EYS: variants seen among roughly 807,000 people sequenced by gnomAD.
EYS encodes the protein EGF-like photoreceptor maintenance factor.
A neutral mutation model predicts 282.1 loss-of-function variants in EYS; 250 were observed. The ratio of observed to expected loss-of-function variants is 0.89; its 90% CI spans 0.80 to 0.98. EYS has a LOEUF of 0.98. Ranked by LOEUF, EYS falls within the 50% of genes least tolerant of loss-of-function variation. EYS has a pLI of 0.00. For missense variants in EYS, 4,016 were observed against 3,709.0 expected (o/e 1.08, Z -2.15); for synonymous variants, 1,355 against 1,282.9 (o/e 1.06, Z -1.20).
chr6:65,022,207 T>C (rs1218338824), intron 13 of EYS, among the ~76,000 whole-genome samples: 2 of 152,244 alleles, frequency 1.3e-5, no homozygotes, highest in Non-Finnish European at 2.9e-5. Flanking sequence ...AGCTGAAAGA[T>C]CATTTTTAAC....
chr6:64,365,104 GAAAT>G (rs1202543354), intron 29 of EYS, among the ~76,000 whole-genome samples: 1 of 151,390 alleles, frequency 6.6e-6, no homozygotes, highest in African/African-American at 2.4e-5. Context: ...ATCAAAGAAA[GAAAT>G]AAAAAATAAT....
chr6:65,496,435 A>G (rs955026481), intron 2 of EYS, among the ~76,000 whole-genome samples: 4 of 151,984 alleles, frequency 2.6e-5, no homozygotes, highest in African/African-American at 9.7e-5. Flanking sequence ...AAATCACTCT[A>G]CTACTTGATT....
intron 35 of EYS, among the ~76,000 whole-genome samples, chr6:63,961,325 T>C (rs765849508): frequency 1.3e-5 from 2 of 152,128 alleles, no homozygotes; most frequent in Non-Finnish European, 2.9e-5. Context: ...ACTGATGAAA[T>C]TCCACCATCG....
chr6:64,745,757 T>C (rs955415159), intron 22 of EYS, among the ~76,000 whole-genome samples: 2 of 152,160 alleles, frequency 1.3e-5, no homozygotes, highest in African/African-American at 4.8e-5. Flanking sequence ...CTTATAAAGG[T>C]TCTCCATTGG....
chr6:65,087,172 A>C (rs1056255770), intron 12 of EYS, among the ~76,000 whole-genome samples: 1 of 152,076 alleles, frequency 6.6e-6, no homozygotes, highest in Non-Finnish European at 1.5e-5. Context: ...AGGATGTTTA[A>C]GGATGGATAT....
chr6:64,540,602 C>G (rs1764672226), intron 26 of EYS, among the ~76,000 whole-genome samples: 2 of 151,452 alleles, frequency 1.3e-5, no homozygotes, highest in South Asian at 4.2e-4. Context: ...CCAGCCTCAG[C>G]CTCCTGAGTA....
rs9363198 is a variant in EYS, at chr6:64,763,997, C to T, written c.3443+49381G>A. On this transcript the variant is annotated intron_variant, in intron 22 of 42. Transcript: ENST00000503581. The stretch of plus-strand genomic sequence containing the variant: ...GAGAAGCTCCTCCCCTGTGGCTCTG[C>T]AGGGTACAGCTCCTCCTGACTGCTT... Among the ~76,000 whole-genome samples the T allele has an allele frequency of 7.9e-5, 12 of 152,316 alleles. No individual in the cohort carries two copies. The East Asian group carries it at 2.3e-3, about 30-fold the overall frequency.
intron 26 of EYS, among the ~76,000 whole-genome samples, chr6:64,583,397 C>T (rs1289314814): frequency 6.6e-6 from 1 of 151,682 alleles, no homozygotes; most frequent in Non-Finnish European, 1.5e-5. Flanking sequence ...TATTTGAACA[C>T]TTCAGGGCCC....
intron 8 of EYS, among the ~76,000 whole-genome samples, chr6:65,368,912 ATGAATG>A (rs1466897569): frequency 6.6e-6 from 1 of 151,566 alleles, no homozygotes; most frequent in Non-Finnish European, 1.5e-5. Context: ...AGAACAGGAC[ATGAATG>A]AAATGGATCA....
chr6:65,523,261 A>G (rs183857838), intron 2 of EYS, among the ~76,000 whole-genome samples: 35 of 152,300 alleles, frequency 2.3e-4, no homozygotes, highest in African/African-American at 7.9e-4. Context: ...TAAATTATAA[A>G]AACACTTATG....
chr6:63,780,561 T>C (rs2149665826), intron 39 of EYS, among the ~76,000 whole-genome samples: 1 of 152,376 alleles, frequency 6.6e-6, no homozygotes, highest in East Asian at 1.9e-4. Context: ...GAGAAGTGTC[T>C]GTTCATATCC....
intron 26 of EYS, among the ~76,000 whole-genome samples, chr6:64,508,206 T>C (rs781068579): frequency 5.9e-5 from 9 of 152,158 alleles, no homozygotes; most frequent in Non-Finnish European, 1.2e-4. Context: ...AAACTATACA[T>C]GTATACACTA....
chr6:64,585,984 T>C (rs1766222687), intron 26 of EYS, among the ~76,000 whole-genome samples: 1 of 152,122 alleles, frequency 6.6e-6, no homozygotes, highest in Non-Finnish European at 1.5e-5. Context: ...TTTAAATTGT[T>C]CTGTATGGTT....
chr6:64,104,416 A>G (rs1772936061), intron 31 of EYS, among the ~76,000 whole-genome samples: 1 of 152,086 alleles, frequency 6.6e-6, no homozygotes, highest in East Asian at 1.9e-4. Context: ...AATAGCTAGC[A>G]AGCACATAAC....
At chr6:64,186,231 G>A (rs1410029831) in intron 31 of EYS, among the ~76,000 whole-genome samples, 1 of 143,268 alleles carries the variant, frequency 7.0e-6, no homozygotes, top group Non-Finnish European at 1.5e-5. Flanking sequence ...TGGGTATACA[G>A]GCTTATATGT....
At chr6:63,959,203 G>C (rs886751980) in intron 35 of EYS, among the ~76,000 whole-genome samples, 2 of 151,996 alleles carry the variant, frequency 1.3e-5, no homozygotes, top group Admixed American at 1.3e-4. Context: ...AGTGGGCAAA[G>C]GATATGAACA....
chr6:64,178,644 T>G (rs1474826524), intron 31 of EYS, among the ~76,000 whole-genome samples: 1 of 152,026 alleles, frequency 6.6e-6, no homozygotes, highest in Non-Finnish European at 1.5e-5. Flanking sequence ...ATGAATTCAC[T>G]TTCCTCCTCT....
chr6:64,759,876 A>G (rs1773101779), intron 22 of EYS, among the ~76,000 whole-genome samples: 1 of 152,172 alleles, frequency 6.6e-6, no homozygotes, highest in African/African-American at 2.4e-5. Context: ...ACTACCATGG[A>G]TAACACCTGT....
chr6:64,770,401 G>A (rs1350352761), intron 22 of EYS, among the ~76,000 whole-genome samples: 3 of 151,912 alleles, frequency 2.0e-5, no homozygotes, highest in Non-Finnish European at 2.9e-5. Flanking sequence ...TCAAACAGTC[G>A]TATTCAGAAA....
Sources: allele counts gnomAD v4.1 joint callset (sites outside exome capture counted in the v4.1 genomes callset), GRCh38; gene constraint gnomAD v4.1.1; transcripts MANE v1.5; gene names NCBI Gene and HGNC (gene_info 2026-07-23, HGNC 2026-07-21).